The following GALNT17 variants were observed in gnomAD, a reference collection of about 807,000 sequenced individuals.
GALNT17 encodes the protein polypeptide N-acetylgalactosaminyltransferase 17.
GALNT17 carries 29 observed loss-of-function variants against 63.7 expected under a neutral mutation model. The ratio of observed to expected loss-of-function variants is 0.46; its 90% CI spans 0.34 to 0.62. GALNT17 has a LOEUF of 0.62. GALNT17 is among the 20% of genes least tolerant of loss of function. The probability of loss-of-function intolerance (pLI) is 0.01; values close to 1 mark genes in which losing one functional copy is unlikely to be tolerated. For missense variants in GALNT17, 603 were observed against 799.6 expected (o/e 0.75, Z 2.97); for synonymous variants, 305 against 318.3 (o/e 0.96, Z 0.45).
At chr7:71,358,799 G>C (rs1269016405) in intron 2 of GALNT17, among the ~76,000 whole-genome samples, 1 of 151,052 alleles carries the variant, frequency 6.6e-6, no homozygotes, top group Non-Finnish European at 1.5e-5. Flanking sequence ...TTGAGACGTG[G>C]TTTCGCTCTT....
intron 6 of GALNT17, among the ~76,000 whole-genome samples, chr7:71,586,178 A>T (rs1185035286): frequency 1.3e-5 from 2 of 152,134 alleles, no homozygotes; most frequent in African/African-American, 4.8e-5. Flanking sequence ...AAGTGCTGGG[A>T]TTACAGGCAT....
chr7:71,578,159 C>T (rs954285286), intron 6 of GALNT17, among the ~76,000 whole-genome samples: 2 of 151,970 alleles, frequency 1.3e-5, no homozygotes, highest in Non-Finnish European at 2.9e-5. Flanking sequence ...GCCTCAGCCT[C>T]CCAGCTAGCT....
chr7:71,327,945 C>T (rs1457829896), intron 1 of GALNT17, among the ~76,000 whole-genome samples: 1 of 152,054 alleles, frequency 6.6e-6, no homozygotes, highest in Non-Finnish European at 1.5e-5. Context: ...TTCCATCCAT[C>T]TGTCAAGAAG....
intron 5 of GALNT17, among the ~76,000 whole-genome samples, chr7:71,427,153 C>T (rs1231158818): frequency 2.0e-5 from 3 of 149,118 alleles, no homozygotes; most frequent in African/African-American, 7.4e-5. Flanking sequence ...GATCTTGGCT[C>T]ACTGCAACCT....
chr7:71,324,759 GTATATA>G (rs10553976), intron 1 of GALNT17, among the ~76,000 whole-genome samples: 1 of 151,532 alleles, frequency 6.6e-6, no homozygotes, highest in Non-Finnish European at 1.5e-5. Context: ...ATGCGTGCGT[GTATATA>G]TATATACACA....
chr7:71,195,054 G>T (rs1037803813), intron 1 of GALNT17, among the ~76,000 whole-genome samples: 2 of 152,108 alleles, frequency 1.3e-5, no homozygotes, highest in African/African-American at 4.8e-5. Context: ...TAGCTAATAT[G>T]TATATGCATG....
chr7:71,306,370 T>C (rs1352997871), intron 1 of GALNT17, among the ~76,000 whole-genome samples: 1 of 152,212 alleles, frequency 6.6e-6, no homozygotes, highest in Non-Finnish European at 1.5e-5. Context: ...TCTGAAGCTC[T>C]GTACCCATTA....
At chr7:71,445,460 G>A (rs999167183) in intron 5 of GALNT17, among the ~76,000 whole-genome samples, 2 of 151,804 alleles carry the variant, frequency 1.3e-5, no homozygotes, top group African/African-American at 2.4e-5. Flanking sequence ...GCCTCCCAAA[G>A]TGCTGGGATT....
At chr7:71,481,313 G>A (rs1787812978) in intron 5 of GALNT17, among the ~76,000 whole-genome samples, 1 of 152,058 alleles carries the variant, frequency 6.6e-6, no homozygotes, top group African/African-American at 2.4e-5. Context: ...AGTCAGGGGT[G>A]GTGGGTGCAC....
chr7:71,179,972 C>G (rs1027031494), intron 1 of GALNT17, among the ~76,000 whole-genome samples: 4 of 152,158 alleles, frequency 2.6e-5, no homozygotes, highest in African/African-American at 9.7e-5. Context: ...ATACTGGACA[C>G]CAGAGCCAAA....
At chr7:71,381,666 C>T (rs1374022070) in intron 2 of GALNT17, among the ~76,000 whole-genome samples, 1 of 152,138 alleles carries the variant, frequency 6.6e-6, no homozygotes, top group African/African-American at 2.4e-5. Flanking sequence ...GTAATCCCAG[C>T]TAATCAGGAG....
At chr7:71,392,195 A>G (rs918712491) in intron 3 of GALNT17, among the ~76,000 whole-genome samples, 5 of 152,162 alleles carry the variant, frequency 3.3e-5, no homozygotes, top group Admixed American at 1.3e-4. Context: ...CTTCAAGTAG[A>G]TGGGTTTATT....
intron 5 of GALNT17, among the ~76,000 whole-genome samples, chr7:71,515,138 AC>A (rs202063717): frequency 0.019 from 2,834 of 152,234 alleles, 38 homozygotes; most frequent in Non-Finnish European, 0.028. Context: ...TTTATAAATT[AC>A]CCAGTTTTAG....
intron 5 of GALNT17, among the ~76,000 whole-genome samples, chr7:71,556,723 C>CTATTTTGTTT (rs1789170253): frequency 1.3e-5 from 2 of 151,732 alleles, no homozygotes. Context: ...CCACACCCAG[C>CTATTTTGTTT]TATTTTGTTT....
chr7:71,591,221 A>G lies in GALNT17; in HGVS notation c.1080+19819A>G, dbSNP rs117396873. 1.0e-4 allele frequency among the ~76,000 whole-genome samples: 15 copies of G among 150,508 alleles called. No individual in the cohort carries two copies. The East Asian group carries it at 2.9e-3, about 30-fold the overall frequency. On this transcript the variant is annotated intron_variant, in intron 6 of 10. Coordinates refer to ENST00000333538, the MANE Select transcript of GALNT17 (RefSeq NM_022479.3). The stretch of plus-strand genomic sequence containing the variant: ...ACAGGCATGTGCTATCATGCCGACT[A>G]ATTTTTGTATTTTGAGTAGAGACAG...
intron 6 of GALNT17, among the ~76,000 whole-genome samples, chr7:71,630,059 A>G (rs1040959456): frequency 3.3e-5 from 5 of 151,948 alleles, no homozygotes; most frequent in Non-Finnish European, 7.4e-5. Context: ...AGATAGACAC[A>G]GGACTGACAC....
At chr7:71,348,543 A>G (rs555795204) in intron 2 of GALNT17, among the ~76,000 whole-genome samples, 2 of 152,320 alleles carry the variant, frequency 1.3e-5, no homozygotes, top group African/African-American at 4.8e-5. Flanking sequence ...TGTCCTGTTT[A>G]TGCAAATGGA....
chr7:71,437,185 T>G (rs1453730028), intron 5 of GALNT17, among the ~76,000 whole-genome samples: 3 of 152,176 alleles, frequency 2.0e-5, no homozygotes, highest in Non-Finnish European at 4.4e-5. Context: ...GTAAACAAGC[T>G]ATTTAGATAA....
chr7:71,309,394 C>T (rs1467895321), intron 1 of GALNT17, among the ~76,000 whole-genome samples: 1 of 152,044 alleles, frequency 6.6e-6, no homozygotes, highest in Non-Finnish European at 1.5e-5. Context: ...CACGCTTTCC[C>T]TTCTGCTGGG....
Sources: gnomAD v4.1 joint callset for allele counts (sites outside exome capture counted in the v4.1 genomes callset) on GRCh38, gnomAD v4.1.1 for gene constraint, MANE v1.5 for transcripts, NCBI Gene and HGNC (gene_info 2026-07-23, HGNC 2026-07-21) for gene names.